The following MINDY4 variants were observed in gnomAD, a reference collection of about 807,000 sequenced individuals.
MINDY4 encodes the protein probable ubiquitin carboxyl-terminal hydrolase MINDY-4.
A neutral mutation model predicts 87.0 loss-of-function variants in MINDY4; 68 were observed. The observed-to-expected ratio is 0.78, with a 90% CI of 0.64 to 0.96. The LOEUF is 0.96. Ranked by LOEUF, MINDY4 falls within the 40% of genes least tolerant of loss-of-function variation. MINDY4 has a pLI of 0.00. For missense variants in MINDY4, 919 were observed against 928.2 expected (o/e 0.99, Z 0.13); for synonymous variants, 379 against 363.2 (o/e 1.04, Z -0.50).
chr7:30,821,496 G>A (rs992145974), intron 5 of MINDY4, among the ~76,000 whole-genome samples: 13 of 152,054 alleles, frequency 8.5e-5, no homozygotes, highest in African/African-American at 3.1e-4. Flanking sequence ...TCTGCCTTTT[G>A]TCTAAGATTT....
chr7:30,875,059 G>A (rs193215000), intron 14 of MINDY4, among the ~76,000 whole-genome samples: 32 of 152,260 alleles, frequency 2.1e-4, no homozygotes, highest in Middle Eastern at 3.4e-3. Flanking sequence ...ATGTGGCCTC[G>A]TGTTCATCTG....
chr7:30,787,922 G>A, intron 4 of MINDY4, among the ~76,000 whole-genome samples: 1 of 152,160 alleles, frequency 6.6e-6, no homozygotes, highest in Non-Finnish European at 1.5e-5. Flanking sequence ...AATTAAAAGT[G>A]AGAAGTTAAA....
intron 5 of MINDY4, among the ~76,000 whole-genome samples, chr7:30,793,253 C>T (rs1787379212): frequency 6.6e-6 from 1 of 151,196 alleles, no homozygotes; most frequent in Admixed American, 6.6e-5. Flanking sequence ...CTCTGATAAA[C>T]AGCATGTATT....
intron 5 of MINDY4, among the ~76,000 whole-genome samples, chr7:30,806,589 G>A (rs1357348007): frequency 2.6e-5 from 4 of 152,266 alleles, no homozygotes; most frequent in Non-Finnish European, 5.9e-5. Flanking sequence ...ATGGTCAAAA[G>A]AGAAATGTTC....
At chr7:30,824,786 C>A (rs1357345063) in intron 5 of MINDY4, among the ~76,000 whole-genome samples, 4 of 152,212 alleles carry the variant, frequency 2.6e-5, no homozygotes, top group Admixed American at 2.0e-4. Flanking sequence ...GTTGCCCAGG[C>A]TGGCCTCAAG....
At chr7:30,856,563 T>C (rs1004681147) in intron 12 of MINDY4, among the ~76,000 whole-genome samples, 1 of 151,356 alleles carries the variant, frequency 6.6e-6, no homozygotes, top group Admixed American at 6.6e-5. Flanking sequence ...TCACTGCAGG[T>C]AGGTAGGCGT....
chr7:30,779,484 G>A (rs1465370441), intron 2 of MINDY4: 1 of 152,190 alleles, frequency 6.6e-6, no homozygotes, highest in Non-Finnish European at 1.5e-5. Context: ...ATATAGTTCA[G>A]CATTTATCAC....
intron 5 of MINDY4, among the ~76,000 whole-genome samples, chr7:30,817,773 G>C (rs945231342): frequency 6.6e-6 from 1 of 152,220 alleles, no homozygotes; most frequent in Non-Finnish European, 1.5e-5. Flanking sequence ...TAGCATGTGC[G>C]TGTCCATCCA....
chr7:30,826,027 A>G (rs2087391848), intron 5 of MINDY4, among the ~76,000 whole-genome samples: 1 of 152,182 alleles, frequency 6.6e-6, no homozygotes, highest in Admixed American at 6.5e-5. Flanking sequence ...CCTGTCTGCA[A>G]AGTAAATCAC....
rs762813954 is a variant in MINDY4, at chr7:30,875,628, C to T, written c.1943C>T (p.Ser648Phe). The change falls in exon 15 of 18, where the codon TCT becomes TTT. Residue 648 changes from serine to phenylalanine, a missense_variant. Physicochemically the swap from Ser to Phe is radical, Grantham distance 155. Coordinates refer to ENST00000265299, the MANE Select transcript of MINDY4 (RefSeq NM_032222.3). ...IAARSDIGFL[S>F]LFEHYNMCQV... ...GCACGCAGTGATATTGGCTTCTTAT[C>T]TCTCTTTGAGCATTACAACATGTGC... is the stretch of plus-strand genomic sequence containing the variant. The T allele has an allele frequency of 6.2e-7, 1 of 1,613,666 alleles. No homozygotes were observed. Among genetic ancestry groups the T allele is most frequent in the Non-Finnish European group, 8.5e-7 (1 of 1,179,762 alleles).
intron 5 of MINDY4, among the ~76,000 whole-genome samples, chr7:30,798,641 C>A (rs187882848): frequency 6.6e-6 from 1 of 152,146 alleles, no homozygotes; most frequent in Non-Finnish European, 1.5e-5. Context: ...GGACTGCAGT[C>A]GCCCGCCACC....
intron 3 of MINDY4, among the ~76,000 whole-genome samples, chr7:30,784,082 T>C (rs1787081678): frequency 6.6e-6 from 1 of 152,116 alleles, no homozygotes; most frequent in Non-Finnish European, 1.5e-5. Flanking sequence ...GGTATGGGTG[T>C]CGAGCTGCCA....
In MINDY4 at chr7:30,852,244, A is replaced by G. The variant is rs1789436032; in HGVS notation, c.1576A>G (p.Thr526Ala). ...LASRTQQFSP[T>A]GKYKADGVLE... is the part of the protein sequence containing the mutation. ...TTCGAGAACACAGCAGTTCAGTCCA[A>G]CAGGGAAATACAAAGCAGATGGAGT... The change falls in exon 11 of 18, where the codon ACA becomes GCA. Residue 526 changes from threonine to alanine, a missense_variant. Thr to Ala is a moderately conservative substitution (Grantham distance 58). Transcript: ENST00000265299. 1.2e-6 allele frequency: 2 copies of G among 1,614,218 alleles called. No individual in the cohort carries two copies. Among genetic ancestry groups the G allele is most frequent in the Non-Finnish European group, 1.7e-6 (2 of 1,180,032 alleles).
chr7:30,785,373 G>A (rs1002813546), intron 3 of MINDY4, among the ~76,000 whole-genome samples: 2 of 151,986 alleles, frequency 1.3e-5, no homozygotes, highest in African/African-American at 4.8e-5. Flanking sequence ...TCTTCTCCAC[G>A]CCTCTCAGTG....
intron 5 of MINDY4, among the ~76,000 whole-genome samples, chr7:30,812,130 C>T (rs1259795939): frequency 6.6e-6 from 1 of 152,126 alleles, no homozygotes; most frequent in East Asian, 1.9e-4. Context: ...GTCGTACAAA[C>T]AAACCCCATG....
At chr7:30,786,013 G>A in intron 4 of MINDY4, 21 bp downstream of exon 4, 1 of 1,612,738 alleles carries the variant, frequency 6.2e-7, no homozygotes, top group Non-Finnish European at 8.5e-7. Context: ...TGCTCTTTCT[G>A]TTGTTATGGG....
At chr7:30,865,419 C>T (rs1018354398) in intron 13 of MINDY4, among the ~76,000 whole-genome samples, 1 of 152,248 alleles carries the variant, frequency 6.6e-6, no homozygotes, top group African/African-American at 2.4e-5. Context: ...AAGGTGGACC[C>T]ACGGGGGCAT....
intron 5 of MINDY4, among the ~76,000 whole-genome samples, chr7:30,802,535 A>G (rs1396024956): frequency 6.6e-6 from 1 of 152,108 alleles, no homozygotes; most frequent in Non-Finnish European, 1.5e-5. Context: ...GTCTTTACTC[A>G]GCCATGTCTC....
chr7:30,815,742 C>A (rs887896579), intron 5 of MINDY4, among the ~76,000 whole-genome samples: 2 of 152,140 alleles, frequency 1.3e-5, no homozygotes, highest in East Asian at 3.8e-4. Context: ...GCCTGTTGAG[C>A]AACTCCTGCC....
Sources: gnomAD v4.1 joint callset for allele counts (sites outside exome capture counted in the v4.1 genomes callset) on GRCh38, gnomAD v4.1.1 for gene constraint, MANE v1.5 for transcripts, NCBI Gene and HGNC (gene_info 2026-07-23, HGNC 2026-07-21) for gene names.